RPS7: variants seen among roughly 807,000 people sequenced by gnomAD.
RPS7 encodes the protein small ribosomal subunit protein eS7.
In RPS7, 1 loss-of-function variant was observed where a neutral mutation model predicts 22.1. That is an observed-to-expected ratio of 0.05 (90% CI 0.02 to 0.21). RPS7 has a LOEUF of 0.21. Among genes scored for constraint, RPS7 ranks in the 10% least tolerant of loss-of-function variants. RPS7 has a pLI of 1.00. For synonymous variants in RPS7, 80 were observed against 92.0 expected, an observed-to-expected ratio of 0.87 and a Z score of 0.74; for missense variants, 137 against 246.4, an observed-to-expected ratio of 0.56 and a Z score of 2.97.
In RPS7 at chr2:3,580,205, G is replaced by A; in HGVS notation, c.452G>A (p.Ser151Asn). ...AGAATCCGCGTCAAACTAGATGGCA[G>A]CCGGCTCATAAAGGTTCATTTGGAC... The part of the protein sequence containing the change: ...GKRIRVKLDG[S>N]RLIKVHLDKA... Residue 151 changes from serine (S) to asparagine (N), a missense_variant, in exon 6 of 7, where the codon AGC (serine) becomes AAC (asparagine). By Grantham distance (46) the Ser-to-Asn change is conservative. Transcript: ENST00000645674. The A allele has an allele frequency of 1.2e-6, 2 of 1,613,538 alleles. No individual in the cohort carries two copies. The highest frequency in any genetic ancestry group is 1.7e-6 in the Non-Finnish European group (2 of 1,179,778).
chr2:3,576,654 C>T (rs1572358516), intron 4 of RPS7, 24 bp downstream of exon 4: 4 of 1,613,886 alleles, frequency 2.5e-6, no homozygotes. Context: ...TGTTGCAGCA[C>T]GTTTCTGTTT....
intron 4 of RPS7, chr2:3,577,505 G>A: frequency 3.4e-6 from 2 of 592,292 alleles, no homozygotes; most frequent in South Asian, 4.1e-5. Flanking sequence ...TAGAGGCTGT[G>A]GATTCTGAAT....
intron 5 of RPS7, chr2:3,579,719 T>G (rs1572360246): frequency 2.7e-5 from 7 of 255,114 alleles, no homozygotes; most frequent in Non-Finnish European, 3.1e-5. Flanking sequence ...TGGAAGGGGG[T>G]GGTTTTGGAG....
rs758369264 is a variant in RPS7, at chr2:3,575,820, C to A, written c.79C>A (p.Leu27Ile). 3.0e-5 allele frequency: 48 copies of A among 1,612,230 alleles called. No homozygotes were observed. The Admixed American group carries it at 5.5e-4, about 18-fold the overall frequency. ...CCTGCTGTTCGTTGCTTCTTAGGCTCTTCTGGAGCTGGAGATGAACTCGGA... is the reference window on the plus strand; with the variant it reads ...CCTGCTGTTCGTTGCTTCTTAGGCTATTCTGGAGCTGGAGATGAACTCGGA... ...DEFESGISQA[L>I]LELEMNSDLK... The change falls in exon 3 of 7, where the codon CTT (leucine) becomes ATT (isoleucine). Residue 27 changes from leucine to isoleucine, a missense_variant. Coordinates refer to ENST00000645674, the MANE Select transcript of RPS7 (RefSeq NM_001011.4).
rs952731398 is a variant in RPS7, at chr2:3,575,704, G to A, written c.75+20G>A. The A allele has an allele frequency of 6.3e-7, 1 of 1,597,758 alleles. No individual in the cohort carries two copies. Among genetic ancestry groups the A allele is most frequent in the South Asian group, 1.1e-5 (1 of 90,724 alleles). ...TCCCAGGTGAGAGGGTTTCCCTGGGGTCTGGGGTGGGGGGAGGCGCCCCGC... is the reference window on the plus strand; with the variant it reads ...TCCCAGGTGAGAGGGTTTCCCTGGGATCTGGGGTGGGGGGAGGCGCCCCGC... On this transcript the variant is annotated intron_variant, in intron 2 of 6. Transcript: ENST00000645674.
chr2:3,580,413 G>T (rs1366938584), intron 6 of RPS7, 153 bp downstream of exon 6: 2 of 740,672 alleles, frequency 2.7e-6, no homozygotes, highest in Non-Finnish European at 4.9e-6. Flanking sequence ...TTTGGATTAT[G>T]TGTCAGGTGT....
chr2:3,578,211 T>C (rs1202904008), intron 5 of RPS7: 1 of 161,256 alleles, frequency 6.2e-6, no homozygotes, highest in Admixed American at 6.1e-5. Context: ...TTGAAGATGC[T>C]GATGGAAAAT....
At chr2:3,576,074 C>T (rs1661271789) in intron 3 of RPS7, 186 bp downstream of exon 3, 3 of 651,314 alleles carry the variant, frequency 4.6e-6, no homozygotes, top group South Asian at 3.5e-5. Flanking sequence ...TTGCAGGTAC[C>T]CTGCGGCTTA....
rs1661273392 is a variant in RPS7 at position 3,576,130 on chromosome 2, C to T, written c.147+242C>T. On this transcript the variant is annotated intron_variant, in intron 3 of 6. Transcript: ENST00000645674. ...TGGAGAAACGTGGAGTAGGGAGGGC[C>T]TGGGCCCATTTCGGACCTTATTTGC... The T allele has an allele frequency of 6.6e-6, 4 of 606,150 alleles. No individual in the cohort carries two copies. In the South Asian group the frequency reaches 7.8e-5, roughly 12 times the overall value. 37.5% of individuals were successfully genotyped at this position (606,150 alleles called of 1,614,324 possible). A position where few individuals can be genotyped will look rare whatever the true frequency, so the allele number is the denominator to read the frequency against.
intron 4 of RPS7, 157 bp from the exon 5 acceptor site, chr2:3,577,553 G>C: frequency 1.5e-6 from 1 of 650,362 alleles, no homozygotes; most frequent in South Asian, 1.8e-5. Context: ...CCATAGAAGG[G>C]TTTGCTCAGT....
At chr2:3,580,725 G>A in intron 6 of RPS7, 80 bp from the exon 7 acceptor site, 1 of 878,884 alleles carries the variant, frequency 1.1e-6, no homozygotes. Flanking sequence ...ACAATACAGG[G>A]CACAATTTCA....
chr2:3,575,517 G>T lies in RPS7; in HGVS notation c.-18-75G>T, dbSNP rs1572357589. ...TCTGCGGGGCGAGCGGGGCCTGGCC[G>T]GGGGGTGCGGGCGGGAGGGCGAGCC... On this transcript the variant is annotated intron_variant, in intron 1 of 6. Coordinates refer to ENST00000645674, the MANE Select transcript of RPS7 (RefSeq NM_001011.4). 3 of 998,466 alleles carry T rather than the reference G, an allele frequency of 3.0e-6. No individual in the cohort carries two copies. The African/African-American group carries it at 4.8e-5, about 16-fold the overall frequency. The allele number at this position is 998,466 out of a possible 1,614,324, so 61.9% of individuals were successfully genotyped here.
Position 3,575,630 on chromosome 2 carries a change from G to A in RPS7, c.21G>A (p.Lys7=), listed in dbSNP as rs757193019. ...AAGCCATGTTCAGTTCGAGCGCCAAGATCGTGAAGCCCAATGGCGAGAAGC... is the reference window on the plus strand; with the variant it reads ...AAGCCATGTTCAGTTCGAGCGCCAAAATCGTGAAGCCCAATGGCGAGAAGC... The part of the protein sequence containing the change: MFSSSA[K]IVKPNGEKPD... The change falls in exon 2 of 7, where the codon AAG becomes AAA. Residue 7 remains lysine (K), a synonymous_variant. Transcript: ENST00000645674. 13 of 1,611,222 alleles carry A rather than the reference G, an allele frequency of 8.1e-6. No individual in the cohort carries two copies. In the South Asian group the frequency reaches 1.3e-4, roughly 16 times the overall value.
intron 6 of RPS7, chr2:3,580,497 TTTTA>T: frequency 1.6e-6 from 1 of 644,416 alleles, no homozygotes; most frequent in South Asian, 1.8e-5. Flanking sequence ...TTCTGTGGTC[TTTTA>T]GTTAGGCTGT....
At chr2:3,576,727 C>G (rs772744228) in intron 4 of RPS7, 97 bp downstream of exon 4, 15 of 1,367,188 alleles carry the variant, frequency 1.1e-5, no homozygotes, top group Admixed American at 3.4e-5. Context: ...TGAAAACAAT[C>G]CTTTTATGAA....
intron 1 of RPS7, 99 bp from the exon 2 acceptor site, chr2:3,575,493 C>T (rs1364539561): frequency 1.0e-5 from 8 of 778,918 alleles, no homozygotes; most frequent in South Asian, 4.7e-5. Context: ...CCGATGGCTT[C>T]TGCGGGGCGA....
chr2:3,577,803 G>GT, intron 5 of RPS7, 29 bp downstream of exon 5: 1 of 1,376,418 alleles, frequency 7.3e-7, no homozygotes, highest in Non-Finnish European at 1.0e-6. Context: ...TCAGAAATGT[G>GT]TGTACCCCTC....
intron 5 of RPS7, chr2:3,579,521 C>A (rs1296782955): frequency 1.2e-5 from 2 of 166,164 alleles, no homozygotes; most frequent in African/African-American, 4.8e-5. Flanking sequence ...CTCCTGATGT[C>A]TCATGGTACA....
chr2:3,576,910 G>A, intron 4 of RPS7: 1 of 445,006 alleles, frequency 2.2e-6, no homozygotes, highest in Non-Finnish European at 4.1e-6. Context: ...GATAAAGTAC[G>A]TTCTTTAATT....
Sources: gnomAD v4.1 joint callset for allele counts on GRCh38, gnomAD v4.1.1 for gene constraint, MANE v1.5 for transcripts, NCBI Gene and HGNC (gene_info 2026-07-23, HGNC 2026-07-21) for gene names.